The following TTC5 variants were observed in gnomAD, a reference collection of about 807,000 sequenced individuals.
TTC5 encodes tetratricopeptide repeat protein 5.
A neutral mutation model predicts 57.4 loss-of-function variants in TTC5; 46 were observed. That is an observed-to-expected ratio of 0.80 (90% CI 0.63 to 1.03). The LOEUF is 1.03. TTC5 is among the 50% of genes least tolerant of loss of function. The probability of loss-of-function intolerance (pLI) is 0.00; values close to 1 mark genes in which losing one functional copy is unlikely to be tolerated. For synonymous variants in TTC5, 190 were observed against 203.5 expected, an observed-to-expected ratio of 0.93 and a Z score of 0.57; for missense variants, 504 against 528.1, an observed-to-expected ratio of 0.95 and a Z score of 0.45.
chr14:20,299,186 G>T, intron 4 of TTC5, 112 bp downstream of exon 4: 1 of 1,175,194 alleles, frequency 8.5e-7, no homozygotes, highest in Non-Finnish European at 1.2e-6. Flanking sequence ...AAACAAAGAT[G>T]CCCTCTCTGG....
intron 6 of TTC5, 25 bp from the exon 7 acceptor site, chr14:20,295,879 A>G (rs749616997): frequency 5.2e-6 from 8 of 1,549,428 alleles, no homozygotes; most frequent in Non-Finnish European, 6.9e-6. Context: ...TATCCCAATT[A>G]TAAGTATATC....
chr14:20,299,299 C>G lies in TTC5; in HGVS notation c.546G>C (p.Trp182Cys), dbSNP rs1319108502. The change falls in exon 4 of 10, where the codon TGG becomes TGC. Residue 182 changes from tryptophan (W) to cysteine (C), a missense_variant and splice_region_variant. Physicochemically the swap from Trp to Cys is radical, Grantham distance 215. Coordinates refer to ENST00000258821, the MANE Select transcript of TTC5 (RefSeq NM_138376.3). ...TGGAGATCTTTTGAGAGCACTCACACCAGGAGCGGCCATCATGGACATCCA... is the reference window on the plus strand; with the variant it reads ...TGGAGATCTTTTGAGAGCACTCACAGCAGGAGCGGCCATCATGGACATCCA... Reference protein sequence around the residue: ...VQMDVHDGRSWYILGNSYLSL... With the variant: ...VQMDVHDGRSCYILGNSYLSL... The G allele has an allele frequency of 6.2e-7, 1 of 1,613,386 alleles. No individual in the cohort carries two copies. The highest frequency in any genetic ancestry group is 8.5e-7 in the Non-Finnish European group (1 of 1,179,676).
Position 20,288,549 on chromosome 14 carries a change from G to C in TTC5, c.*1078C>G, listed in dbSNP as rs1287842481. On this transcript the variant is annotated 3_prime_UTR_variant, in exon 10 of 10. Transcript: ENST00000258821. ...CTCTGCCTCAGCCTCCCCAGTAGCTGTGATTACAGGTGCCTGCCACCACGC... is the reference window on the plus strand; with the variant it reads ...CTCTGCCTCAGCCTCCCCAGTAGCTCTGATTACAGGTGCCTGCCACCACGC... 1.3e-5 allele frequency: 2 copies of C among 152,300 alleles called. No individual in the cohort carries two copies. Among genetic ancestry groups the C allele is most frequent in the Non-Finnish European group, 2.9e-5 (2 of 68,124 alleles). 9.4% of individuals were successfully genotyped at this position (152,300 alleles called of 1,614,324 possible). A position where few individuals can be genotyped will look rare whatever the true frequency, so the allele number is the denominator to read the frequency against.
intron 8 of TTC5, chr14:20,294,409 A>G (rs1882019837): frequency 6.6e-6 from 1 of 152,182 alleles, no homozygotes; most frequent in South Asian, 2.1e-4. Flanking sequence ...GTTCTCAACT[A>G]TCTTTTTGCC....
chr14:20,298,091 C>A (rs1409234738), intron 5 of TTC5, among the ~76,000 whole-genome samples: 2 of 152,104 alleles, frequency 1.3e-5, no homozygotes, highest in African/African-American at 2.4e-5. Context: ...AAAAGCAATT[C>A]TCTATATCAA....
Position 20,288,904 on chromosome 14 carries a change from C to T in TTC5, c.*723G>A, listed in dbSNP as rs1881894709. Reference sequence around the variant, plus strand: ...ATCTTGGACCATAGTGAAGACCACCCCTAGGGAATGACAGAATGGGAAAAT... The same window carrying T: ...ATCTTGGACCATAGTGAAGACCACCTCTAGGGAATGACAGAATGGGAAAAT... On this transcript the variant is annotated 3_prime_UTR_variant, in exon 10 of 10. Coordinates refer to ENST00000258821, the MANE Select transcript of TTC5 (RefSeq NM_138376.3). The T allele has an allele frequency of 6.6e-6, 1 of 152,156 alleles. No individual in the cohort carries two copies. Among genetic ancestry groups the T allele is most frequent in the Non-Finnish European group, 1.5e-5 (1 of 68,044 alleles). 9.4% of individuals were successfully genotyped at this position (152,156 alleles called of 1,614,324 possible).
rs1882139583 is a variant in TTC5, at chr14:20,299,563, G to T, written c.397-115C>A. 3 of 1,264,594 alleles carry T rather than the reference G, an allele frequency of 2.4e-6. No individual in the cohort carries two copies. The African/African-American group carries it at 4.4e-5, about 19-fold the overall frequency. The allele number at this position is 1,264,594 out of a possible 1,614,324, so 78.3% of individuals were successfully genotyped here. A position where few individuals can be genotyped will look rare whatever the true frequency, so the allele number is the denominator to read the frequency against. The stretch of plus-strand genomic sequence containing the variant: ...TTTACCTTTCTAAGTTTTTTGTTTT[G>T]TTTTGTTTGAGGTGGAGTCTTGCTC... On this transcript the variant is annotated intron_variant, in intron 3 of 9. Coordinates refer to ENST00000258821, the MANE Select transcript of TTC5 (RefSeq NM_138376.3).
Position 20,296,431 on chromosome 14 carries a change from T to G in TTC5, c.655A>C (p.Lys219Gln). 1 of 1,612,430 alleles carries G rather than the reference T, an allele frequency of 6.2e-7. No individual in the cohort carries two copies. The highest frequency in any genetic ancestry group is 8.5e-7 in the Non-Finnish European group (1 of 1,178,370). Residue 219 changes from lysine (K) to glutamine (Q), a missense_variant, in exon 6 of 10, where the codon AAA becomes CAA. Lys to Gln is a moderately conservative substitution (Grantham distance 53). Transcript: ENST00000258821. Reference protein sequence around the residue: ...AYAQAEKVDRKASSNPDLHLN... With the variant: ...AYAQAEKVDRQASSNPDLHLN... ...TGAAGGTCAGGATTGCTAGAAGCTT[T>G]TCTGTCAACTTTCTCCTATAATGGG...
intron 2 of TTC5, among the ~76,000 whole-genome samples, chr14:20,301,450 T>C (rs1244622785): frequency 6.6e-6 from 1 of 151,992 alleles, no homozygotes; most frequent in Non-Finnish European, 1.5e-5. Flanking sequence ...AGCTAGTCAA[T>C]AGCAGGAATC....
chr14:20,295,604 C>T, intron 7 of TTC5, 78 bp from the exon 8 acceptor site: 1 of 1,552,250 alleles, frequency 6.4e-7, no homozygotes, highest in Non-Finnish European at 8.7e-7. Context: ...CTCCCACCCA[C>T]TTCTATAGGG....
At position 20,300,589 on chromosome 14, in the gene TTC5, G is replaced by T; in HGVS notation, c.396+18C>A. On this transcript the variant is annotated intron_variant, in intron 3 of 9. Coordinates refer to ENST00000258821, the MANE Select transcript of TTC5 (RefSeq NM_138376.3). ...TCCTTCCCATCTCTGCTTTCCAAAG[G>T]GATAGGGGGCAGCTCACATGGGTGA... 1 of 1,601,012 alleles carries T rather than the reference G, an allele frequency of 6.2e-7. No homozygotes were observed. The highest frequency in any genetic ancestry group is 8.5e-7 in the Non-Finnish European group (1 of 1,176,342).
At position 20,295,779 on chromosome 14, in the gene TTC5, G is replaced by C; in HGVS notation, c.772C>G (p.Pro258Ala). The C allele has an allele frequency of 6.2e-7, 1 of 1,614,008 alleles. No homozygotes were observed. Among genetic ancestry groups the C allele is most frequent in the Non-Finnish European group, 8.5e-7 (1 of 1,179,958 alleles). ...TGTTGCTCTCGTTGCCGGGGCTCTG[G>C]CCAGGCAGGGTCCAGGGCTGCAGCC... is the stretch of plus-strand genomic sequence containing the variant. ...SRAAALDPAW[P>A]EPRQREQQLL... The change falls in exon 7 of 10, where the codon CCA (proline) becomes GCA (alanine). Residue 258 changes from proline to alanine, a missense_variant. Pro to Ala is a conservative substitution (Grantham distance 27, BLOSUM62 -1). Transcript: ENST00000258821.
chr14:20,289,816 AC>A, intron 9 of TTC5, 70 bp from the exon 10 acceptor site: 1 of 1,477,352 alleles, frequency 6.8e-7, no homozygotes, highest in South Asian at 1.4e-5. Context: ...ATGGGGATAC[AC>A]CACTTGCAAC....
At chr14:20,298,669 C>CA (rs1882116443) in intron 5 of TTC5, 128 bp downstream of exon 5, 5 of 665,314 alleles carry the variant, frequency 7.5e-6, no homozygotes, top group African/African-American at 1.8e-5. Context: ...TGCAAAATCA[C>CA]AAAAATGAGA....
At chr14:20,300,852 A>C in intron 2 of TTC5, 34 bp from the exon 3 acceptor site, 1 of 1,543,992 alleles carries the variant, frequency 6.5e-7, no homozygotes, top group Non-Finnish European at 8.8e-7. Context: ...AGTGGGAAAA[A>C]AACAAGTTAA....
rs1218468084 is a variant in TTC5, at chr14:20,300,637, G to A, written c.366C>T (p.Ala122=). The change falls in exon 3 of 10, where the codon GCC becomes GCT. Residue 122 remains alanine (A), a synonymous_variant. Transcript: ENST00000258821. ...TGAGGGCTCCTGAGAAGCAGGTGTG[G>A]GCAGCTGCAACATCCCCTTTTTTCC... The part of the protein sequence containing the change: ...VYWKKGDVAA[A]HTCFSGALTH... 1.9e-6 allele frequency: 3 copies of A among 1,613,376 alleles called. No homozygotes were observed. In the South Asian group the frequency reaches 3.3e-5, roughly 18 times the overall value.
rs775307823 is a variant in TTC5, at chr14:20,289,594, C to A, written c.*33G>T. 6.3e-7 allele frequency: 1 copy of A among 1,597,916 alleles called. No individual in the cohort carries two copies. The highest frequency in any genetic ancestry group is 1.1e-5 in the South Asian group (1 of 88,652). ...GGCTGTCCAGAGCCTTGTCTCCTCT[C>A]CTCCACTCCCTGTTGAGCATGCAAG... On this transcript the variant is annotated 3_prime_UTR_variant, in exon 10 of 10. Coordinates refer to ENST00000258821, the MANE Select transcript of TTC5 (RefSeq NM_138376.3).
Position 20,301,902 on chromosome 14 carries a change from C to T in TTC5, c.115G>A (p.Ala39Thr), listed in dbSNP as rs1882200881. Residue 39 changes from alanine to threonine, a missense_variant, in exon 2 of 10, where the codon GCT becomes ACT. Coordinates refer to ENST00000258821, the MANE Select transcript of TTC5 (RefSeq NM_138376.3). ...CYFETHSVEDAGRKQQDVQKE... is the reference protein window; with the variant it reads ...CYFETHSVEDTGRKQQDVQKE... ...TGCACATCCTGTTGCTTCCTCCCAG[C>T]ATCCTCAACACTATGTGTCTCGAAA... is the stretch of plus-strand genomic sequence containing the variant. 6.2e-7 allele frequency: 1 copy of T among 1,614,144 alleles called. No homozygotes were observed. Among genetic ancestry groups the T allele is most frequent in the Non-Finnish European group, 8.5e-7 (1 of 1,180,018 alleles).
intron 2 of TTC5, among the ~76,000 whole-genome samples, chr14:20,301,601 C>A (rs984409207): frequency 1.3e-5 from 2 of 152,214 alleles, no homozygotes; most frequent in Non-Finnish European, 2.9e-5. Context: ...AGTCAGATTA[C>A]TGCAATAGTT....
Sources: gnomAD v4.1 joint callset for allele counts (sites outside exome capture counted in the v4.1 genomes callset) on GRCh38, gnomAD v4.1.1 for gene constraint, MANE v1.5 for transcripts, NCBI Gene and HGNC (gene_info 2026-07-23, HGNC 2026-07-21) for gene names.